Variants in HEYL observed in about 807,000 individuals in gnomAD.
HEYL encodes hes related family bHLH transcription factor with YRPW motif like.
HEYL carries 12 observed loss-of-function variants against 18.6 expected under a neutral mutation model. That is an observed-to-expected ratio of 0.65 (90% CI 0.41 to 1.05). The LOEUF (loss-of-function observed/expected upper bound fraction) is 1.05. Ranked by LOEUF, HEYL falls within the 50% of genes least tolerant of loss-of-function variation. The pLI, the probability that HEYL is intolerant of heterozygous loss-of-function variation, is 0.00. For synonymous variants in HEYL, 159 were observed against 179.6 expected (o/e 0.89, Z 0.91); for missense variants, 420 against 444.7 (o/e 0.94, Z 0.50).
At chr1:39,638,888 C>T (rs189059537) in intron 1 of HEYL, among the ~76,000 whole-genome samples, 5 of 152,292 alleles carry the variant, frequency 3.3e-5, no homozygotes, top group South Asian at 2.1e-4. Context: ...ACTATACAAG[C>T]GCAGTTTGTT....
chr1:39,627,869 T>G (rs1317762954), intron 4 of HEYL, among the ~76,000 whole-genome samples: 1 of 152,250 alleles, frequency 6.6e-6, no homozygotes, highest in African/African-American at 2.4e-5. Flanking sequence ...ATCACTTATA[T>G]TACTGGCTTG....
chr1:39,626,730 G>A lies in HEYL; in HGVS notation c.764C>T (p.Ala255Val), dbSNP rs1036415171. The A allele has an allele frequency of 6.0e-6, 9 of 1,511,674 alleles. No individual in the cohort carries two copies. The highest frequency in any genetic ancestry group is 2.2e-5 in the Admixed American group (1 of 46,314). 93.6% of individuals were successfully genotyped at this position (1,511,674 alleles called of 1,614,324 possible). A position where few individuals can be genotyped will look rare whatever the true frequency, so the allele number is the denominator to read the frequency against. The change falls in exon 5 of 5, where the codon GCG (alanine) becomes GTG (valine). Residue 255 changes from alanine (A) to valine (V), a missense_variant. Transcript: ENST00000372852. Reference protein sequence around the residue: ...TRRARPLERPATPVPVAPSSR... With the variant: ...TRRARPLERPVTPVPVAPSSR... ...GCTGGGGGCGACAGGCACAGGGGTC[G>A]CTGGCCTCTCTAGGGGGCGGGCCCT...
intron 3 of HEYL, among the ~76,000 whole-genome samples, chr1:39,630,700 T>C (rs1162291945): frequency 2.0e-5 from 3 of 152,240 alleles, no homozygotes; most frequent in Admixed American, 1.3e-4. Context: ...ATCCTCAGAA[T>C]GCCTCTTAAA....
rs528479111 is a variant in HEYL at position 39,626,372 on chromosome 1, G to T, written c.*135C>A. On this transcript the variant is annotated 3_prime_UTR_variant, in exon 5 of 5. Transcript: ENST00000372852. ...GAGAGATGGGTTGGAGGAGGAGGGG[G>T]CCTCTGATGGCTGGAGAACGTGCCT... 5.6e-6 allele frequency: 4 copies of T among 711,008 alleles called. No homozygotes were observed. The highest frequency in any genetic ancestry group is 2.0e-5 in the South Asian group (1 of 48,952). 44.0% of individuals were successfully genotyped at this position (711,008 alleles called of 1,614,324 possible).
Position 39,626,662 on chromosome 1 carries a change from A to T in HEYL, c.832T>A (p.Ser278Thr), listed in dbSNP as rs1433393367. 6.6e-6 allele frequency: 10 copies of T among 1,526,354 alleles called. No homozygotes were observed. Among genetic ancestry groups the T allele is most frequent in the South Asian group, 1.3e-5 (1 of 77,134 alleles). The allele number at this position is 1,526,354 out of a possible 1,614,324, so 94.6% of individuals were successfully genotyped here. Residue 278 changes from serine (S) to threonine (T), a missense_variant, in exon 5 of 5, where the codon TCT becomes ACT. Coordinates refer to ENST00000372852, the MANE Select transcript of HEYL (RefSeq NM_014571.4). ...RSSHIAPLLQ[S>T]SSPTPPGPTG... The stretch of plus-strand genomic sequence containing the variant: ...GGACCAGGGGGTGTTGGGGAGGAAG[A>T]CTGCAGGAGGGGAGCGATGTGGCTG...
Position 39,638,499 on chromosome 1 carries a change from G to A in HEYL, c.80+1047C>T, listed in dbSNP as rs116551688. 3.4e-3 allele frequency among the ~76,000 whole-genome samples: 515 copies of A among 152,314 alleles called. 5 individuals carry two copies. The highest frequency in any genetic ancestry group is 0.012 in the African/African-American group (493 of 41,556). On this transcript the variant is annotated intron_variant, in intron 1 of 4. Coordinates refer to ENST00000372852, the MANE Select transcript of HEYL (RefSeq NM_014571.4). ...ATTAACTGAATTCCCCTCCAATTCT[G>A]TTCTAGAGAGTCAAGTCTAGATGAG...
intron 1 of HEYL, chr1:39,632,958 C>T (rs1646343188): frequency 3.0e-6 from 3 of 984,362 alleles, no homozygotes; most frequent in Non-Finnish European, 3.6e-6. Flanking sequence ...CCTCGCCCCT[C>T]GCGGCGGCCG....
intron 1 of HEYL, 142 bp from the exon 2 acceptor site, chr1:39,632,857 C>A: frequency 2.7e-6 from 4 of 1,506,586 alleles, no homozygotes; most frequent in Middle Eastern, 2.4e-4. Flanking sequence ...CTCATTTCAA[C>A]CCGGGTCAAG....
Position 39,624,908 on chromosome 1 carries a change from A to T in HEYL, c.*1599T>A, listed in dbSNP as rs1273556921. ...CTCCTCCCTCTTATCCACTTCTTTG[A>T]AAGGGCCCTTTTCCCCAAGGTTTCT... On this transcript the variant is annotated 3_prime_UTR_variant, in exon 5 of 5. Transcript: ENST00000372852. 2 of 152,166 alleles carry T rather than the reference A, an allele frequency of 1.3e-5. No homozygotes were observed. The highest frequency in any genetic ancestry group is 1.5e-5 in the Non-Finnish European group (1 of 68,020). The allele number at this position is 152,166 out of a possible 1,614,324, so 9.4% of individuals were successfully genotyped here.
chr1:39,625,824 C>T lies in HEYL; in HGVS notation c.*683G>A, dbSNP rs1646293621. The T allele has an allele frequency of 1.3e-5, 2 of 152,550 alleles. No individual in the cohort carries two copies. The highest frequency in any genetic ancestry group is 2.4e-5 in the African/African-American group (1 of 41,462). 9.4% of individuals were successfully genotyped at this position (152,550 alleles called of 1,614,324 possible). A position where few individuals can be genotyped will look rare whatever the true frequency, so the allele number is the denominator to read the frequency against. On this transcript the variant is annotated 3_prime_UTR_variant, in exon 5 of 5. Coordinates refer to ENST00000372852, the MANE Select transcript of HEYL (RefSeq NM_014571.4). ...TACCAGGCCAGCTGTGTGCAGGGAC[C>T]TGTTAGTCAGTGAGAGGGTGGGTGT...
At chr1:39,629,557 G>A (rs369423705) in intron 4 of HEYL, among the ~76,000 whole-genome samples, 2 of 152,344 alleles carry the variant, frequency 1.3e-5, no homozygotes, top group East Asian at 3.9e-4. Context: ...GTAGCAGTAA[G>A]TTAGGTCTCT....
At position 39,632,580 on chromosome 1, in the gene HEYL, G is replaced by C. The variant is rs76823371; in HGVS notation, c.147+69C>G. The stretch of plus-strand genomic sequence containing the variant: ...GAAATTTCTGCCTAGGGTTCTCCCC[G>C]CCGCCAGACTGCAGGGGATTCATGG... On this transcript the variant is annotated intron_variant, in intron 2 of 4. Coordinates refer to ENST00000372852, the MANE Select transcript of HEYL (RefSeq NM_014571.4). The C allele has an allele frequency of 8.6e-6, 12 of 1,389,190 alleles. No homozygotes were observed. In the East Asian group the frequency reaches 2.8e-4, roughly 33 times the overall value. 86.1% of individuals were successfully genotyped at this position (1,389,190 alleles called of 1,614,324 possible). A position where few individuals can be genotyped will look rare whatever the true frequency, so the allele number is the denominator to read the frequency against.
intron 1 of HEYL, among the ~76,000 whole-genome samples, chr1:39,636,268 T>C (rs921502576): frequency 4.6e-5 from 7 of 151,844 alleles, no homozygotes; most frequent in East Asian, 1.9e-4. Flanking sequence ...CTTTTTTTTT[T>C]TTTTCTTTTC....
chr1:39,626,863 C>G lies in HEYL; in HGVS notation c.631G>C (p.Ala211Pro). 1.3e-6 allele frequency: 2 copies of G among 1,590,480 alleles called. No individual in the cohort carries two copies. Among genetic ancestry groups the G allele is most frequent in the Non-Finnish European group, 1.7e-6 (2 of 1,168,088 alleles). Residue 211 changes from alanine (A) to proline (P), a missense_variant, in exon 5 of 5, where the codon GCT (alanine) becomes CCT (proline). Coordinates refer to ENST00000372852, the MANE Select transcript of HEYL (RefSeq NM_014571.4). ...SPVLPGVSSP[A>P]YPIPALRTAP... ...GTTCGGAGGGCTGGGATGGGGTAAGCAGGAGAGGAGACACCGGGGAGGACA... is the reference window on the plus strand; with the variant it reads ...GTTCGGAGGGCTGGGATGGGGTAAGGAGGAGAGGAGACACCGGGGAGGACA...
chr1:39,635,600 T>C (rs1345791492), intron 1 of HEYL, among the ~76,000 whole-genome samples: 1 of 152,186 alleles, frequency 6.6e-6, no homozygotes, highest in Admixed American at 6.5e-5. Flanking sequence ...TATATGTCTT[T>C]CCCTCCTTTG....
rs1646281870 is a variant in HEYL at position 39,624,025 on chromosome 1, G to A, written c.*2482C>T. The A allele has an allele frequency of 6.6e-6, 1 of 152,322 alleles. No homozygotes were observed. Among genetic ancestry groups the A allele is most frequent in the Admixed American group, 6.5e-5 (1 of 15,288 alleles). 9.4% of individuals were successfully genotyped at this position (152,322 alleles called of 1,614,324 possible). ...TACTGAGAACTGATTGACAAAGCAA[G>A]AGGGAAGACCTTTCTGAGGCCAGGG... On this transcript the variant is annotated 3_prime_UTR_variant, in exon 5 of 5. Coordinates refer to ENST00000372852, the MANE Select transcript of HEYL (RefSeq NM_014571.4).
In HEYL at chr1:39,626,775, C is replaced by A; in HGVS notation, c.719G>T (p.Arg240Leu). 1 of 1,550,292 alleles carries A rather than the reference C, an allele frequency of 6.5e-7. No homozygotes were observed. The highest frequency in any genetic ancestry group is 2.0e-5 in the Admixed American group (1 of 50,828). The change falls in exon 5 of 5, where the codon CGA becomes CTA. Residue 240 changes from arginine (R) to leucine (L), a missense_variant. By Grantham distance (102) the Arg-to-Leu change is moderately radical. Transcript: ENST00000372852. ...LPARRNVLPS[R>L]GASSTRRARP... ...GGCCCTCCGGGTGGAAGATGCCCCT[C>A]GACTGGGCAGCACATTCCTCCGGGC...
At chr1:39,630,991 G>A (rs2124113813) in intron 3 of HEYL, among the ~76,000 whole-genome samples, 1 of 152,304 alleles carries the variant, frequency 6.6e-6, no homozygotes, top group South Asian at 2.1e-4. Context: ...CCTATGCCTT[G>A]GTGCATAGGG....
chr1:39,626,699 C>T lies in HEYL; in HGVS notation c.795G>A (p.Arg265=), dbSNP rs931874683. The part of the protein sequence containing the change: ...ATPVPVAPSS[R]AARSSHIAPL... ...GAGCGATGTGGCTGCTCCTGGCAGC[C>T]CTGCTGCTGGGGGCGACAGGCACAG... Residue 265 remains arginine, a synonymous_variant, in exon 5 of 5, where the codon AGG becomes AGA. Transcript: ENST00000372852. 2 of 1,506,504 alleles carry T rather than the reference C, an allele frequency of 1.3e-6. No individual in the cohort carries two copies. Among genetic ancestry groups the T allele is most frequent in the Admixed American group, 4.5e-5 (2 of 44,912 alleles). 93.3% of individuals were successfully genotyped at this position (1,506,504 alleles called of 1,614,324 possible).
Sources: allele counts gnomAD v4.1 joint callset (sites outside exome capture counted in the v4.1 genomes callset), GRCh38; gene constraint gnomAD v4.1.1; transcripts MANE v1.5; gene names NCBI Gene and HGNC (gene_info 2026-07-23, HGNC 2026-07-21).